Variants in ZZEF1 observed in about 807,000 individuals in gnomAD.
ZZEF1 encodes zinc finger ZZ-type and EF-hand domain containing 1, also known as zinc finger ZZ-type and EF-hand domain-containing protein 1.
Under a neutral mutation model 342.8 loss-of-function variants are expected in ZZEF1, and 157 were observed. The ratio of observed to expected loss-of-function variants is 0.46; its 90% CI spans 0.40 to 0.52. The LOEUF (loss-of-function observed/expected upper bound fraction) is 0.52. Among genes scored for constraint, ZZEF1 ranks in the 20% least tolerant of loss-of-function variants. The pLI, the probability that ZZEF1 is intolerant of heterozygous loss-of-function variation, is 0.00. For synonymous variants in ZZEF1, 1,505 were observed against 1,429.1 expected (o/e 1.05, Z -1.20); for missense variants, 3,480 against 3,725.6 (o/e 0.93, Z 1.72).
chr17:4,109,941 T>A, intron 5 of ZZEF1, 78 bp from the exon 6 acceptor site: 1 of 1,394,846 alleles, frequency 7.2e-7, no homozygotes, highest in Admixed American at 1.9e-5. Flanking sequence ...AAAAGCAAAA[T>A]AGTAATAGAC....
Position 4,075,087 on chromosome 17 carries a change from T to C in ZZEF1, c.3483+10A>G. On this transcript the variant is annotated intron_variant, in intron 23 of 54. Coordinates refer to ENST00000381638, the MANE Select transcript of ZZEF1 (RefSeq NM_015113.4). ...AGAAGTAGGTACCTCTTTCTGGGAC[T>C]ATCACTCACCTTGGGCCATTTATCA... 2 of 1,614,106 alleles carry C rather than the reference T, an allele frequency of 1.2e-6. No individual in the cohort carries two copies. Among genetic ancestry groups the C allele is most frequent in the South Asian group, 1.1e-5 (1 of 91,076 alleles).
At chr17:4,082,591 C>T (rs1340216845) in intron 16 of ZZEF1, 87 bp from the exon 17 acceptor site, 1 of 1,250,368 alleles carries the variant, frequency 8.0e-7, no homozygotes, top group Non-Finnish European at 1.1e-6. Context: ...ATCACCACCC[C>T]ACTGTTCTCA....
intron 38 of ZZEF1, among the ~76,000 whole-genome samples, chr17:4,043,209 G>C (rs1205269895): frequency 6.6e-6 from 1 of 152,180 alleles, no homozygotes; most frequent in Non-Finnish European, 1.5e-5. Flanking sequence ...CCTTCTTTCA[G>C]ATTTTTGTTT....
chr17:4,096,842 C>G, intron 9 of ZZEF1, 142 bp from the exon 10 acceptor site: 1 of 673,512 alleles, frequency 1.5e-6, no homozygotes, highest in Admixed American at 2.7e-5. Flanking sequence ...GAAAAATGTC[C>G]TCTTTGGACA....
chr17:4,037,201 T>G (rs2056692470), intron 39 of ZZEF1, among the ~76,000 whole-genome samples: 1 of 152,180 alleles, frequency 6.6e-6, no homozygotes, highest in African/African-American at 2.4e-5. Flanking sequence ...TTTACATAGT[T>G]TCAAAGACTC....
chr17:4,036,162 G>A (rs1479858402), intron 39 of ZZEF1, among the ~76,000 whole-genome samples: 2 of 151,850 alleles, frequency 1.3e-5, no homozygotes, highest in African/African-American at 2.4e-5. Flanking sequence ...GACTGATCCA[G>A]TAGGTAATTA....
At chr17:4,023,034 T>C (rs2056309765) in intron 43 of ZZEF1, among the ~76,000 whole-genome samples, 1 of 152,164 alleles carries the variant, frequency 6.6e-6, no homozygotes, top group Non-Finnish European at 1.5e-5. Context: ...AAGCCTCTGA[T>C]CATGGCTGAC....
chr17:4,045,162 A>AT (rs961414670), intron 37 of ZZEF1, among the ~76,000 whole-genome samples: 3 of 149,108 alleles, frequency 2.0e-5, no homozygotes, highest in Non-Finnish European at 4.5e-5. Flanking sequence ...TCAAAAAAAA[A>AT]ATAAGATAGT....
In ZZEF1 at chr17:4,132,794, G is replaced by A. The variant is rs9896055; in HGVS notation, c.355-8743C>T. 9.2e-3 allele frequency among the ~76,000 whole-genome samples: 388 copies of A among 42,118 alleles called. 11 individuals are homozygous for A. The highest frequency in any genetic ancestry group is 0.014 in the African/African-American group (335 of 24,514). 27.6% of individuals were successfully genotyped at this position (42,118 alleles called of 152,430 possible). A position where few individuals can be genotyped will look rare whatever the true frequency, so the allele number is the denominator to read the frequency against. On this transcript the variant is annotated intron_variant, in intron 1 of 54. Coordinates refer to ENST00000381638, the MANE Select transcript of ZZEF1 (RefSeq NM_015113.4). ...ATCCTGGCTAACACGATGAAACCCC[G>A]TCTCTACTAAAAATACAAAAAATTA...
chr17:4,039,887 G>A (rs911741990), intron 39 of ZZEF1, among the ~76,000 whole-genome samples: 16 of 151,874 alleles, frequency 1.1e-4, no homozygotes, highest in African/African-American at 3.4e-4. Flanking sequence ...CTCATGATCT[G>A]CCCGCCTTGG....
At chr17:4,064,063 AG>A (rs35156991) in intron 29 of ZZEF1, among the ~76,000 whole-genome samples, 15,098 of 144,470 alleles carry the variant, frequency 0.1, 929 homozygotes, top group African/African-American at 0.17. Context: ...TTGTAGATGG[AG>A]GGGGGGGGGT....
At chr17:4,047,102 G>A (rs1422034075) in intron 37 of ZZEF1, among the ~76,000 whole-genome samples, 3 of 152,152 alleles carry the variant, frequency 2.0e-5, no homozygotes, top group South Asian at 2.1e-4. Context: ...GGGCGCACCC[G>A]GCTGCTGGTG....
intron 13 of ZZEF1, among the ~76,000 whole-genome samples, chr17:4,087,783 A>AACACACACACACACACACACAC (rs10522603): frequency 5.5e-5 from 8 of 146,084 alleles, no homozygotes; most frequent in East Asian, 2.0e-4. Context: ...ATATACACAC[A>AACACACACACACACACACACAC]ACACACACAC....
chr17:4,093,622 C>T (rs549293105), intron 11 of ZZEF1, among the ~76,000 whole-genome samples: 1 of 152,258 alleles, frequency 6.6e-6, no homozygotes, highest in Non-Finnish European at 1.5e-5. Context: ...GTCTCAGACC[C>T]CACCCAGAGC....
intron 1 of ZZEF1, among the ~76,000 whole-genome samples, chr17:4,129,253 T>G (rs565466133): frequency 1.3e-5 from 2 of 152,254 alleles, no homozygotes; most frequent in South Asian, 4.1e-4. Flanking sequence ...AACAGGATAT[T>G]GAGAAAATGT....
At chr17:4,118,533 G>A (rs2058434366) in intron 2 of ZZEF1, among the ~76,000 whole-genome samples, 1 of 152,158 alleles carries the variant, frequency 6.6e-6, no homozygotes, top group Admixed American at 6.6e-5. Context: ...GACCCAAGCG[G>A]CAGAGCAGCT....
At chr17:4,114,147 G>C (rs2058357100) in intron 4 of ZZEF1, 152 bp downstream of exon 4, 1 of 501,096 alleles carries the variant, frequency 2.0e-6, no homozygotes, top group Non-Finnish European at 3.3e-6. Flanking sequence ...TTATCTGTTA[G>C]GAATATATAA....
At position 4,016,299 on chromosome 17, in the gene ZZEF1, G is replaced by A; in HGVS notation, c.8145+24C>T. The A allele has an allele frequency of 6.2e-7, 1 of 1,601,906 alleles. No individual in the cohort carries two copies. Among genetic ancestry groups the A allele is most frequent in the Non-Finnish European group, 8.5e-7 (1 of 1,175,984 alleles). On this transcript the variant is annotated intron_variant, in intron 49 of 54. Transcript: ENST00000381638. The surrounding 1 kb of genome is among the most constrained non-coding windows in gnomAD (Gnocchi z 4.4). ...GTCTCTGCGGCTCAGTCGCTCTTAT[G>A]GGGCCTGCCGGCCCCAGGCTTACCT...
intron 1 of ZZEF1, among the ~76,000 whole-genome samples, chr17:4,129,910 G>T (rs138396098): frequency 1.3e-5 from 2 of 152,294 alleles, no homozygotes; most frequent in African/African-American, 4.8e-5. Context: ...ACTAAGGCAG[G>T]AACAGAAAAC....
Sources: allele counts gnomAD v4.1 joint callset (sites outside exome capture counted in the v4.1 genomes callset), GRCh38; gene constraint gnomAD v4.1.1; non-coding constraint Gnocchi (gnomAD v3.1); transcripts MANE v1.5; gene names NCBI Gene and HGNC (gene_info 2026-07-23, HGNC 2026-07-21).